The following NFATC1 variants were observed in gnomAD, a reference collection of about 807,000 sequenced individuals.
NFATC1 encodes nuclear factor of activated T-cells, cytoplasmic 1.
A neutral mutation model predicts 76.0 loss-of-function variants in NFATC1; 22 were observed. The observed-to-expected ratio is 0.29, with a 90% CI of 0.21 to 0.41. The LOEUF is 0.41. NFATC1 is among the 10% of genes least tolerant of loss of function. NFATC1 has a pLI of 1.00. For synonymous variants in NFATC1, 704 were observed against 613.1 expected (o/e 1.15, Z -2.19); for missense variants, 1,357 against 1,337.7 (o/e 1.01, Z -0.23).
chr18:79,426,816 C>T (rs1343076744), intron 2 of NFATC1, among the ~76,000 whole-genome samples: 2 of 152,228 alleles, frequency 1.3e-5, no homozygotes, highest in Admixed American at 6.5e-5. Context: ...CACCCGGCCC[C>T]CGGGGCTGCC....
chr18:79,515,468 G>C (rs1430466331), intron 9 of NFATC1, among the ~76,000 whole-genome samples: 1 of 152,018 alleles, frequency 6.6e-6, no homozygotes, highest in Non-Finnish European at 1.5e-5. Flanking sequence ...GGGTGGTGGT[G>C]GTGGATGGGG....
chr18:79,413,023 T>C (rs1469528253), intron 2 of NFATC1, among the ~76,000 whole-genome samples: 1 of 152,220 alleles, frequency 6.6e-6, no homozygotes, highest in Non-Finnish European at 1.5e-5. Flanking sequence ...AAGAACTGTT[T>C]TTGCCTGCTG....
Position 79,493,231 on chromosome 18 carries a change from G to A in NFATC1, c.2782+6294G>A, listed in dbSNP as rs192100233. 3.9e-5 allele frequency among the ~76,000 whole-genome samples: 6 copies of A among 152,350 alleles called. No homozygotes were observed. In the East Asian group the frequency reaches 1.2e-3, roughly 29 times the overall value. On this transcript the variant is annotated intron_variant, in intron 9 of 9. Transcript: ENST00000427363. ...GCCGTGAGGAGGCTCCGCTGGGGGC[G>A]GACTCGCGGTGGATTACGCGTCAGC...
chr18:79,432,388 G>A lies in NFATC1; in HGVS notation c.1227-1191G>A, dbSNP rs2086628906. 1.3e-5 allele frequency among the ~76,000 whole-genome samples: 2 copies of A among 152,240 alleles called. 1 individual carries two copies. ...CCACACGGAGGTGAGGACGGTCGGC[G>A]GGCCCTGGGTCTCTGGCCACATAGC... On this transcript the variant is annotated intron_variant, in intron 2 of 9. Transcript: ENST00000427363.
intron 2 of NFATC1, 44 bp downstream of exon 2, chr18:79,411,545 G>T: frequency 7.6e-7 from 1 of 1,321,846 alleles, no homozygotes; most frequent in Non-Finnish European, 9.7e-7. Flanking sequence ...GAGGGGAGGC[G>T]CGGGGCGGGG....
At position 79,465,973 on chromosome 18, in the gene NFATC1, C is replaced by T. The variant is rs535119305; in HGVS notation, c.1960-1477C>T. On this transcript the variant is annotated intron_variant, in intron 7 of 9. Coordinates refer to ENST00000427363, the MANE Select transcript of NFATC1 (RefSeq NM_001278669.2). The surrounding 1 kb of genome is among the most constrained non-coding windows in gnomAD (Gnocchi z 4.2). ...CTGATGCGGGGCAAAGGCAGGAAGA[C>T]GCCCATGTGCCATGGCTTCTGCTTC... Among the ~76,000 whole-genome samples the T allele has an allele frequency of 6.6e-6, 1 of 152,354 alleles. No individual in the cohort carries two copies. The highest frequency in any genetic ancestry group is 2.4e-5 in the African/African-American group (1 of 41,600).
intron 3 of NFATC1, among the ~76,000 whole-genome samples, chr18:79,435,358 T>G (rs1306962819): frequency 9.9e-5 from 15 of 150,856 alleles, no homozygotes; most frequent in East Asian, 1.9e-4. Flanking sequence ...GTTTGTTTTT[T>G]TTTTTTTTTT....
chr18:79,426,395 C>T (rs1308185498), intron 2 of NFATC1, among the ~76,000 whole-genome samples: 2 of 152,236 alleles, frequency 1.3e-5, no homozygotes, highest in South Asian at 4.1e-4. Flanking sequence ...TGGCCGGCTC[C>T]CCAGGCCACG....
At chr18:79,512,690 G>A (rs924338576) in intron 9 of NFATC1, among the ~76,000 whole-genome samples, 6 of 152,236 alleles carry the variant, frequency 3.9e-5, no homozygotes, top group Non-Finnish European at 5.9e-5. Flanking sequence ...ACCTGGATGC[G>A]GCACCTGTGC....
At chr18:79,425,007 GTCTC>G (rs956941346) in intron 2 of NFATC1, among the ~76,000 whole-genome samples, 5 of 141,124 alleles carry the variant, frequency 3.5e-5, no homozygotes, top group African/African-American at 1.1e-4. Context: ...CTCTGTGTCT[GTCTC>G]TCTCTCTGTC....
intron 9 of NFATC1, among the ~76,000 whole-genome samples, chr18:79,504,311 T>C (rs1372798064): frequency 6.6e-6 from 1 of 152,196 alleles, no homozygotes; most frequent in Non-Finnish European, 1.5e-5. Context: ...CTTGAACTTT[T>C]ACTTGAAAAC....
intron 3 of NFATC1, among the ~76,000 whole-genome samples, chr18:79,443,359 C>T (rs1055947284): frequency 7.2e-5 from 11 of 152,216 alleles, no homozygotes; most frequent in African/African-American, 2.2e-4. Context: ...GAAGACGAAT[C>T]GGTCAGTCAC....
intron 8 of NFATC1, among the ~76,000 whole-genome samples, chr18:79,481,320 G>A (rs1294090359): frequency 6.6e-6 from 1 of 152,260 alleles, no homozygotes. Context: ...CTCCAGCTCT[G>A]TAGTCTCCAG....
At chr18:79,451,640 G>A (rs748229135) in intron 5 of NFATC1, 36 bp from the exon 6 acceptor site, 1 of 1,538,850 alleles carries the variant, frequency 6.5e-7, no homozygotes, top group South Asian at 1.3e-5. Context: ...CGCCCACTCA[G>A]GACAGGCCCT....
intron 1 of NFATC1, among the ~76,000 whole-genome samples, chr18:79,404,683 A>C (rs1378050819): frequency 6.6e-6 from 1 of 152,174 alleles, no homozygotes; most frequent in Admixed American, 6.5e-5. Context: ...GTGAAAGATG[A>C]GAGATCTGGC....
At chr18:79,442,949 A>G (rs2055899) in intron 3 of NFATC1, among the ~76,000 whole-genome samples, 39,206 of 152,078 alleles carry the variant, frequency 0.26, 5,399 homozygotes, top group African/African-American at 0.36. Flanking sequence ...CAAGTGAGGC[A>G]CGCTCAGCTG....
Position 79,486,595 on chromosome 18 carries a change from C to T in NFATC1, c.2440C>T (p.Pro814Ser). 6.3e-7 allele frequency: 1 copy of T among 1,590,440 alleles called. No individual in the cohort carries two copies. The highest frequency in any genetic ancestry group is 1.3e-5 in the African/African-American group (1 of 74,614). Residue 814 changes from proline to serine, a missense_variant, in exon 9 of 10, where the codon CCC becomes TCC. Coordinates refer to ENST00000427363, the MANE Select transcript of NFATC1 (RefSeq NM_001278669.2). Reference protein sequence around the residue: ...PRPVATHPGSPGQPPPALLPQ... With the variant: ...PRPVATHPGSSGQPPPALLPQ... ...GCCAGTGGCCACGCACCCCGGCTCG[C>T]CCGGGCAGCCACCCCCGGCCCTGCT...
intron 9 of NFATC1, among the ~76,000 whole-genome samples, chr18:79,511,366 C>A (rs2090248829): frequency 6.6e-6 from 1 of 152,186 alleles, no homozygotes; most frequent in African/African-American, 2.4e-5. Flanking sequence ...CACGATGGGT[C>A]ATGGTGCGTT....
chr18:79,482,700 G>C (rs2089329847), intron 8 of NFATC1, among the ~76,000 whole-genome samples: 2 of 135,484 alleles, frequency 1.5e-5, no homozygotes, highest in Non-Finnish European at 3.2e-5. Context: ...AGCATGACCT[G>C]GTTCCTGGGG....
Sources: gnomAD v4.1 joint callset for allele counts (sites outside exome capture counted in the v4.1 genomes callset) on GRCh38, gnomAD v4.1.1 for gene constraint, Gnocchi (gnomAD v3.1) non-coding constraint, MANE v1.5 for transcripts, NCBI Gene and HGNC (gene_info 2026-07-23, HGNC 2026-07-21) for gene names.